DPP6: variants seen among roughly 807,000 people sequenced by gnomAD.
DPP6 encodes the protein dipeptidyl peptidase like 6, also known as A-type potassium channel modulatory protein DPP6.
DPP6 carries 69 observed loss-of-function variants against 122.6 expected under a neutral mutation model. The observed-to-expected ratio is 0.56, with a 90% confidence interval of 0.46 to 0.69. The LOEUF (loss-of-function observed/expected upper bound fraction) is 0.69. Ranked by LOEUF, DPP6 falls within the 30% of genes least tolerant of loss-of-function variation. The pLI is 0.00. For synonymous variants in DPP6, 418 were observed against 433.1 expected (o/e 0.97, Z 0.43); for missense variants, 928 against 1,116.9 (o/e 0.83, Z 2.41).
chr7:154,395,537 C>T (rs1336674376), intron 1 of DPP6, among the ~76,000 whole-genome samples: 1 of 151,420 alleles, frequency 6.6e-6, no homozygotes, highest in Non-Finnish European at 1.5e-5. Context: ...TTGTTTTTAT[C>T]ATTTCCTTTT....
intron 1 of DPP6, among the ~76,000 whole-genome samples, chr7:154,157,941 AT>A (rs1466451669): frequency 2.8e-5 from 4 of 142,516 alleles, no homozygotes; most frequent in South Asian, 2.1e-4. Context: ...CTCAAAAAAA[AT>A]ATATACATAT....
chr7:154,216,313 T>C (rs1055475611), intron 1 of DPP6, among the ~76,000 whole-genome samples: 3 of 152,162 alleles, frequency 2.0e-5, no homozygotes, highest in Non-Finnish European at 4.4e-5. Flanking sequence ...GATCTTACCA[T>C]AGGGCTCCTA....
At chr7:153,803,512 C>G in the DPP6 span, among the ~76,000 whole-genome samples, 2 of 152,072 alleles carry the variant, frequency 1.3e-5, no homozygotes, top group South Asian at 4.2e-4. Flanking sequence ...CCCTTGGACT[C>G]GGATTCACGC....
At chr7:154,300,893 C>T (rs4419732) in intron 1 of DPP6, among the ~76,000 whole-genome samples, 77,395 of 151,982 alleles carry the variant, frequency 0.51, 21,883 homozygotes, top group African/African-American at 0.78. Context: ...TTTGGAGATA[C>T]GGTCTTTAAA....
At chr7:154,569,042 C>T (rs917785047) in intron 5 of DPP6, among the ~76,000 whole-genome samples, 2 of 152,022 alleles carry the variant, frequency 1.3e-5, no homozygotes, top group South Asian at 2.1e-4. Flanking sequence ...AACTCCTTAG[C>T]GCTATACCAA....
intron 1 of DPP6, among the ~76,000 whole-genome samples, chr7:154,133,673 A>G (rs1220676710): frequency 1.3e-5 from 2 of 152,130 alleles, no homozygotes; most frequent in Non-Finnish European, 2.9e-5. Context: ...GAAAAATGGC[A>G]GGGTGGGGCT....
chr7:154,002,298 A>G (rs569510034), intron 1 of DPP6, among the ~76,000 whole-genome samples: 1 of 151,966 alleles, frequency 6.6e-6, no homozygotes, highest in East Asian at 1.9e-4. Flanking sequence ...TCTGAAGTGT[A>G]GTAAGTAGCT....
At chr7:154,252,539 T>G (rs1346978514) in intron 1 of DPP6, among the ~76,000 whole-genome samples, 1 of 152,214 alleles carries the variant, frequency 6.6e-6, no homozygotes, top group East Asian at 1.9e-4. Flanking sequence ...ACCAACCCTG[T>G]TCTACCTCCA....
At chr7:154,710,137 G>T (rs1344758266) in intron 7 of DPP6, among the ~76,000 whole-genome samples, 1 of 152,196 alleles carries the variant, frequency 6.6e-6, no homozygotes, top group African/African-American at 2.4e-5. Context: ...TGACAGCTTG[G>T]TGCAGGGAGC....
rs889573348 is a variant in DPP6 at position 154,485,651 on chromosome 7, C to T, written c.457+10614C>T. Among the ~76,000 whole-genome samples the T allele has an allele frequency of 3.3e-5, 5 of 152,244 alleles. No homozygotes were observed. The East Asian group carries it at 9.7e-4, about 29-fold the overall frequency. ...CTATTGGAGTTTTCTATAGGACCTACGGGAAGAACTCAAAAGACAGTATCA... is the reference window on the plus strand; with the variant it reads ...CTATTGGAGTTTTCTATAGGACCTATGGGAAGAACTCAAAAGACAGTATCA... On this transcript the variant is annotated intron_variant, in intron 3 of 25. Coordinates refer to ENST00000377770, the MANE Select transcript of DPP6 (RefSeq NM_130797.4).
intron 16 of DPP6, 80 bp downstream of exon 16, chr7:154,807,192 G>A: frequency 3.2e-6 from 5 of 1,549,896 alleles, no homozygotes; most frequent in Non-Finnish European, 4.3e-6. Context: ...CTTGCAGGGA[G>A]GGGGCAGCGG....
rs375707407 is a variant in DPP6 at position 154,544,944 on chromosome 7, A to C, written c.552+4318A>C. On this transcript the variant is annotated intron_variant, in intron 4 of 25. Transcript: ENST00000377770. ...GGGCGGCTGCGTGGGTCCAGGCAGC[A>C]GTAGCAGACAGTGGAATCCACGCCA... Among the ~76,000 whole-genome samples, 12 of 152,332 alleles carry C rather than the reference A, an allele frequency of 7.9e-5. No individual in the cohort carries two copies. The East Asian group carries it at 2.3e-3, about 30-fold the overall frequency.
At chr7:154,264,314 C>A (rs1334495101) in intron 1 of DPP6, among the ~76,000 whole-genome samples, 2 of 152,120 alleles carry the variant, frequency 1.3e-5, no homozygotes, top group African/African-American at 4.8e-5. Flanking sequence ...TGAAATATTT[C>A]ATGGTAGGAC....
chr7:154,362,061 C>T lies in DPP6; in HGVS notation c.244-84153C>T, dbSNP rs1811772603. Among the ~76,000 whole-genome samples the T allele has an allele frequency of 3.9e-5, 6 of 152,302 alleles. No homozygotes were observed. In the South Asian group the frequency reaches 1.2e-3, roughly 32 times the overall value. ...CCACTGTGAGAAGGTGTCCTGTGACCAACATTGTTGAGGAGTATCTAAAGG... is the reference window on the plus strand; with the variant it reads ...CCACTGTGAGAAGGTGTCCTGTGACTAACATTGTTGAGGAGTATCTAAAGG... On this transcript the variant is annotated intron_variant, in intron 1 of 25. Transcript: ENST00000377770.
intron 8 of DPP6, among the ~76,000 whole-genome samples, chr7:154,729,497 T>C (rs995946819): frequency 1.3e-5 from 2 of 152,236 alleles, no homozygotes; most frequent in African/African-American, 4.8e-5. Context: ...CATAATAAAA[T>C]GTACATCAGA....
intron 1 of DPP6, among the ~76,000 whole-genome samples, chr7:153,902,525 A>G (rs1366604334): frequency 6.6e-6 from 1 of 152,140 alleles, no homozygotes; most frequent in Non-Finnish European, 1.5e-5. Context: ...ACAAGGATGC[A>G]CTTCCAAGAG....
At chr7:153,997,721 A>G (rs1207416981) in intron 1 of DPP6, among the ~76,000 whole-genome samples, 1 of 147,014 alleles carries the variant, frequency 6.8e-6, no homozygotes, top group African/African-American at 2.7e-5. Flanking sequence ...GCATTTATCA[A>G]GCATCCAGCG....
At chr7:154,231,127 G>T (rs1171515156) in intron 1 of DPP6, among the ~76,000 whole-genome samples, 1 of 152,098 alleles carries the variant, frequency 6.6e-6, no homozygotes. Flanking sequence ...AATCAGTATA[G>T]AACCCTCCCA....
At chr7:153,975,337 C>G (rs572230966) in intron 1 of DPP6, among the ~76,000 whole-genome samples, 1 of 149,604 alleles carries the variant, frequency 6.7e-6, no homozygotes, top group African/African-American at 2.5e-5. Flanking sequence ...CAGGACCCCC[C>G]ACCCACCCCC....
Sources: allele counts gnomAD v4.1 joint callset (sites outside exome capture counted in the v4.1 genomes callset), GRCh38; gene constraint gnomAD v4.1.1; transcripts MANE v1.5; gene names NCBI Gene and HGNC (gene_info 2026-07-23, HGNC 2026-07-21).